Variants in USP46 observed in about 807,000 individuals in gnomAD.
The protein encoded by USP46 is ubiquitin carboxyl-terminal hydrolase 46.
A neutral mutation model predicts 44.4 loss-of-function variants in USP46; 12 were observed. The ratio of observed to expected loss-of-function variants is 0.27; its 90% CI spans 0.17 to 0.44. USP46 has a LOEUF of 0.44. Among genes scored for constraint, USP46 ranks in the 20% least tolerant of loss-of-function variants. The probability of loss-of-function intolerance (pLI) is 1.00; values close to 1 mark genes in which losing one functional copy is unlikely to be tolerated. For missense variants in USP46, 248 were observed against 444.8 expected, an observed-to-expected ratio of 0.56 and a Z score of 3.98; for synonymous variants, 155 against 161.5, an observed-to-expected ratio of 0.96 and a Z score of 0.31.
At position 52,597,370 on chromosome 4, in the gene USP46, T is replaced by A. The variant is rs187230227; in HGVS notation, c.*270A>T. On this transcript the variant is annotated 3_prime_UTR_variant, in exon 9 of 9. Transcript: ENST00000441222. ...ATACAGCCAGACATAATGAATGGCA[T>A]AGCTTTCACCCAGTCCTAAAATTAG... 8.9e-5 allele frequency: 31 copies of A among 349,614 alleles called. No homozygotes were observed. The highest frequency in any genetic ancestry group is 2.5e-4 in the Admixed American group (5 of 20,286). 21.7% of individuals were successfully genotyped at this position (349,614 alleles called of 1,614,324 possible).
At chr4:52,623,357 A>G (rs1717450909) in intron 4 of USP46, among the ~76,000 whole-genome samples, 2 of 152,240 alleles carry the variant, frequency 1.3e-5, no homozygotes. Context: ...ATAAAAAACT[A>G]TAATGGATTA....
At chr4:52,622,884 C>T (rs953200344) in intron 4 of USP46, among the ~76,000 whole-genome samples, 1 of 152,196 alleles carries the variant, frequency 6.6e-6, no homozygotes, top group African/African-American at 2.4e-5. Flanking sequence ...AGAAGCTACA[C>T]TGAAGCTAGA....
chr4:52,648,138 T>G (rs976324949), intron 1 of USP46, among the ~76,000 whole-genome samples: 3 of 152,170 alleles, frequency 2.0e-5, no homozygotes, highest in Non-Finnish European at 4.4e-5. Flanking sequence ...CAATCAACAG[T>G]GGTGTAGAAA....
At position 52,628,078 on chromosome 4, in the gene USP46, G is replaced by A; in HGVS notation, c.203C>T (p.Ala68Val). Residue 68 changes from alanine (A) to valine (V), a missense_variant, in exon 3 of 9, where the codon GCC (alanine) becomes GTC (valine). Ala to Val is a moderately conservative substitution (Grantham distance 64). Coordinates refer to ENST00000441222, the MANE Select transcript of USP46 (RefSeq NM_022832.4). Reference sequence around the variant, plus strand: ...CAAGTTTTCCTTCTTCTTTTGCTGGGCCTTGTATGCCAACACATTCTCCCG... The same window carrying A: ...CAAGTTTTCCTTCTTCTTTTGCTGGACCTTGTATGCCAACACATTCTCCCG... ...PFRENVLAYK[A>V]QQKKKENLLT... 6.2e-7 allele frequency: 1 copy of A among 1,613,954 alleles called. No individual in the cohort carries two copies. The highest frequency in any genetic ancestry group is 1.6e-4 in the Middle Eastern group (1 of 6,062).
In USP46 at chr4:52,626,185, T is replaced by C; in HGVS notation, c.394A>G (p.Ile132Val). ...TTCTCCTCCTGAAGGATGTCCGCAA[T>C]AGTGTTTAGCAAATAATTTAAAAAT... ...HEFLNYLLNTIADILQEEKKQ... is the reference protein window; with the variant it reads ...HEFLNYLLNTVADILQEEKKQ... The change falls in exon 4 of 9, where the codon ATT (isoleucine) becomes GTT (valine). Residue 132 changes from isoleucine (I) to valine (V), a missense_variant. Transcript: ENST00000441222. 1.2e-6 allele frequency: 2 copies of C among 1,613,902 alleles called. No homozygotes were observed. The highest frequency in any genetic ancestry group is 1.6e-4 in the Middle Eastern group (1 of 6,062).
At position 52,595,557 on chromosome 4, in the gene USP46, G is replaced by C. The variant is rs905105739; in HGVS notation, c.*2083C>G. 2.6e-5 allele frequency: 4 copies of C among 152,036 alleles called. No individual in the cohort carries two copies. The highest frequency in any genetic ancestry group is 9.7e-5 in the African/African-American group (4 of 41,392). 9.4% of individuals were successfully genotyped at this position (152,036 alleles called of 1,614,324 possible). A position where few individuals can be genotyped will look rare whatever the true frequency, so the allele number is the denominator to read the frequency against. ...TCTTTCTATTAAAAGGAATTACTTC[G>C]ATTAAATAACTGGGAAAAACATTTT... On this transcript the variant is annotated 3_prime_UTR_variant, in exon 9 of 9. Coordinates refer to ENST00000441222, the MANE Select transcript of USP46 (RefSeq NM_022832.4).
chr4:52,618,750 A>G (rs1310738935), intron 4 of USP46, among the ~76,000 whole-genome samples: 1 of 152,152 alleles, frequency 6.6e-6, no homozygotes, highest in African/African-American at 2.4e-5. Flanking sequence ...AATTTGAATG[A>G]ATCTCTGGAA....
Position 52,659,083 on chromosome 4 carries a change from G to T in USP46, c.36+32C>A. On this transcript the variant is annotated intron_variant, in intron 1 of 8. Coordinates refer to ENST00000441222, the MANE Select transcript of USP46 (RefSeq NM_022832.4). This position sits in a 1 kb window ranked among gnomAD's most constrained non-coding sequence, Gnocchi z 4.2. ...CCCTTTCTTTGCCTCGCCGCGAGTC[G>T]GGCGCGACCCCGAGGCGGCTCGGCC... is the stretch of plus-strand genomic sequence containing the variant. 2 of 1,548,692 alleles carry T rather than the reference G, an allele frequency of 1.3e-6. No individual in the cohort carries two copies. The highest frequency in any genetic ancestry group is 8.7e-7 in the Non-Finnish European group (1 of 1,149,440).
Position 52,626,255 on chromosome 4 carries a change from G to T in USP46, c.332-8C>A. 1 of 1,602,162 alleles carries T rather than the reference G, an allele frequency of 6.2e-7. No homozygotes were observed. The highest frequency in any genetic ancestry group is 1.7e-5 in the Admixed American group (1 of 58,224). The stretch of plus-strand genomic sequence containing the variant: ...TGTAGTTATCAAAGAGATCTGGAAA[G>T]GAGAAGGTGGTTATTTCAGTCTCTG... On this transcript the variant is annotated splice_polypyrimidine_tract_variant and splice_region_variant and intron_variant, in intron 3 of 8. Coordinates refer to ENST00000441222, the MANE Select transcript of USP46 (RefSeq NM_022832.4).
chr4:52,607,204 G>C (rs1716718591), intron 5 of USP46, among the ~76,000 whole-genome samples: 1 of 152,184 alleles, frequency 6.6e-6, no homozygotes, highest in South Asian at 2.1e-4. Flanking sequence ...CTAATGTAAA[G>C]ACCCATTTTA....
rs370871613 is a variant in USP46 at position 52,626,102 on chromosome 4, T to C, written c.477A>G (p.Glu159=). 6.2e-7 allele frequency: 1 copy of C among 1,613,852 alleles called. No homozygotes were observed. The highest frequency in any genetic ancestry group is 1.3e-5 in the African/African-American group (1 of 74,932). The part of the protein sequence containing the change: ...LKNGNMNEPA[E]NNKPELTWVH... ...CCCAGGTGAGTTCTGGTTTATTATTTTCCGCAGGTTCGTTCATGTTGCCAT... is the reference window on the plus strand; with the variant it reads ...CCCAGGTGAGTTCTGGTTTATTATTCTCCGCAGGTTCGTTCATGTTGCCAT... Residue 159 remains glutamate, a synonymous_variant, in exon 4 of 9, where the codon GAA becomes GAG. Transcript: ENST00000441222.
intron 1 of USP46, among the ~76,000 whole-genome samples, chr4:52,646,945 A>AAAATCCATCCAAGTTACAAATGC (rs1269717780): frequency 1.3e-5 from 2 of 152,222 alleles, no homozygotes; most frequent in Non-Finnish European, 2.9e-5. Flanking sequence ...GCAATTTGGC[A>AAAATCCATCCAAGTTACAAATGC]AAATCCATCC....
intron 1 of USP46, among the ~76,000 whole-genome samples, chr4:52,642,573 T>A (rs186910015): frequency 6.6e-6 from 1 of 152,316 alleles, no homozygotes; most frequent in East Asian, 1.9e-4. Context: ...GAAGCACCCC[T>A]TGAAATTTTC....
intron 5 of USP46, among the ~76,000 whole-genome samples, chr4:52,606,965 G>C (rs997737328): frequency 1.1e-4 from 17 of 152,298 alleles, no homozygotes; most frequent in African/African-American, 4.1e-4. Context: ...GGATTGACTG[G>C]AGTGGAACGG....
At chr4:52,610,296 T>A (rs1186942411) in intron 5 of USP46, among the ~76,000 whole-genome samples, 1 of 152,190 alleles carries the variant, frequency 6.6e-6, no homozygotes, top group Non-Finnish European at 1.5e-5. Context: ...TTTACCTGGC[T>A]GATCTCAAAT....
At chr4:52,646,382 T>C (rs914512945) in intron 1 of USP46, among the ~76,000 whole-genome samples, 5 of 152,100 alleles carry the variant, frequency 3.3e-5, no homozygotes, top group Admixed American at 1.3e-4. Flanking sequence ...AAATGTAAAA[T>C]ATAAAATTCT....
At chr4:52,625,409 AG>A (rs2109627853) in intron 4 of USP46, among the ~76,000 whole-genome samples, 1 of 152,284 alleles carries the variant, frequency 6.6e-6, no homozygotes, top group African/African-American at 2.4e-5. Context: ...GGCCACCCAC[AG>A]AGTTGAAGTT....
At chr4:52,629,353 T>C (rs1282389882) in intron 2 of USP46, among the ~76,000 whole-genome samples, 1 of 152,204 alleles carries the variant, frequency 6.6e-6, no homozygotes, top group Non-Finnish European at 1.5e-5. Flanking sequence ...AATGAAGCTA[T>C]TAATAAACAC....
intron 4 of USP46, among the ~76,000 whole-genome samples, chr4:52,614,754 T>C (rs1231068986): frequency 6.6e-6 from 1 of 152,200 alleles, no homozygotes; most frequent in Non-Finnish European, 1.5e-5. Context: ...TCCTCTTAAT[T>C]TTTGTATAAT....
Sources: allele counts gnomAD v4.1 joint callset (sites outside exome capture counted in the v4.1 genomes callset), GRCh38; gene constraint gnomAD v4.1.1; non-coding constraint Gnocchi (gnomAD v3.1); transcripts MANE v1.5; gene names NCBI Gene and HGNC (gene_info 2026-07-23, HGNC 2026-07-21).